DTNB: variants seen among roughly 807,000 people sequenced by gnomAD.
DTNB encodes dystrobrevin beta.
A neutral mutation model predicts 90.7 loss-of-function variants in DTNB; 63 were observed. That is an observed-to-expected ratio of 0.69 (90% CI 0.57 to 0.86). DTNB has a LOEUF of 0.86. Among genes scored for constraint, DTNB ranks in the 40% least tolerant of loss-of-function variants. The probability of loss-of-function intolerance (pLI) is 0.00; values close to 1 mark genes in which losing one functional copy is unlikely to be tolerated. For synonymous variants in DTNB, 277 were observed against 286.7 expected (o/e 0.97, Z 0.34); for missense variants, 744 against 807.1 (o/e 0.92, Z 0.95).
chr2:25,540,266 C>G (rs865881528), intron 8 of DTNB, among the ~76,000 whole-genome samples: 9 of 152,318 alleles, frequency 5.9e-5, no homozygotes, highest in Admixed American at 3.3e-4. Context: ...ACTGACCATT[C>G]CTTTCCATAA....
intron 12 of DTNB, among the ~76,000 whole-genome samples, chr2:25,444,831 A>G (rs1200816041): frequency 2.0e-5 from 3 of 152,226 alleles, no homozygotes; most frequent in Non-Finnish European, 4.4e-5. Context: ...TATGCAAAGC[A>G]CTTGTATCAA....
chr2:25,469,212 A>C (rs926206245), intron 10 of DTNB, among the ~76,000 whole-genome samples: 4 of 152,222 alleles, frequency 2.6e-5, no homozygotes, highest in Admixed American at 6.5e-5. Context: ...TCAGAAAGTG[A>C]CATCAAAGTT....
At chr2:25,540,257 C>G (rs2151008972) in intron 8 of DTNB, among the ~76,000 whole-genome samples, 1 of 152,236 alleles carries the variant, frequency 6.6e-6, no homozygotes, top group East Asian at 1.9e-4. Context: ...TCTTTGCATA[C>G]TGACCATTCC....
chr2:25,613,447 T>A (rs1458626535), intron 4 of DTNB, among the ~76,000 whole-genome samples: 1 of 152,166 alleles, frequency 6.6e-6, no homozygotes, highest in Non-Finnish European at 1.5e-5. Context: ...CATGTTTATG[T>A]CCATGAGTAC....
chr2:25,595,081 A>G (rs1475138118), intron 6 of DTNB: 23 of 152,216 alleles, frequency 1.5e-4, no homozygotes, highest in Non-Finnish European at 1.0e-4. Context: ...TAGGTTGTAG[A>G]AATTCCTTCA....
At chr2:25,527,217 T>C (rs954165249) in intron 9 of DTNB, among the ~76,000 whole-genome samples, 4 of 152,060 alleles carry the variant, frequency 2.6e-5, no homozygotes, top group African/African-American at 9.7e-5. Flanking sequence ...AAGCTAACCA[T>C]GCCTTTAAAG....
chr2:25,457,990 TGCTCA>T (rs745364351), intron 10 of DTNB, among the ~76,000 whole-genome samples: 72 of 152,048 alleles, frequency 4.7e-4, no homozygotes, highest in Admixed American at 8.5e-4. Flanking sequence ...CACGCCACCA[TGCTCA>T]GCTAATTTTT....
intron 8 of DTNB, among the ~76,000 whole-genome samples, chr2:25,570,471 T>G (rs961284195): frequency 2.0e-5 from 3 of 151,762 alleles, no homozygotes; most frequent in African/African-American, 7.3e-5. Flanking sequence ...ATTCATTTAT[T>G]CATTAGGAGA....
intron 8 of DTNB, among the ~76,000 whole-genome samples, chr2:25,553,173 A>C (rs1422912633): frequency 2.0e-5 from 3 of 151,564 alleles, no homozygotes; most frequent in Non-Finnish European, 4.4e-5. Context: ...GGCTGGTCTC[A>C]AACTTCTGGG....
intron 14 of DTNB, among the ~76,000 whole-genome samples, chr2:25,432,243 A>ACC (rs1553374032): frequency 4.3e-5 from 6 of 139,788 alleles, no homozygotes; most frequent in South Asian, 2.3e-4. Flanking sequence ...ACACACACAC[A>ACC]CCCCTTTCTA....
At chr2:25,659,748 T>C (rs1402416644) in intron 1 of DTNB, among the ~76,000 whole-genome samples, 5 of 152,060 alleles carry the variant, frequency 3.3e-5, no homozygotes, top group Non-Finnish European at 5.9e-5. Context: ...AGAGATTGAA[T>C]TTGTAGTTTA....
chr2:25,476,403 T>C (rs2063761415), intron 10 of DTNB, among the ~76,000 whole-genome samples: 1 of 152,164 alleles, frequency 6.6e-6, no homozygotes, highest in Non-Finnish European at 1.5e-5. Flanking sequence ...ATGTAAGAAA[T>C]ACATTTTGTA....
chr2:25,515,131 A>G (rs766702887), intron 9 of DTNB, among the ~76,000 whole-genome samples: 11 of 152,196 alleles, frequency 7.2e-5, no homozygotes, highest in Non-Finnish European at 1.2e-4. Context: ...ACAGGACTCA[A>G]TGCAAACACA....
chr2:25,592,442 AG>A (rs959474601), intron 6 of DTNB, among the ~76,000 whole-genome samples: 2 of 152,214 alleles, frequency 1.3e-5, no homozygotes, highest in Non-Finnish European at 2.9e-5. Context: ...ATTCGAAGTC[AG>A]TATTTAATTT....
At chr2:25,441,745 G>GTT (rs1256021084) in intron 12 of DTNB, among the ~76,000 whole-genome samples, 1 of 152,134 alleles carries the variant, frequency 6.6e-6, no homozygotes, top group Non-Finnish European at 1.5e-5. Context: ...TTCCAAATCT[G>GTT]TATCAAATTC....
At chr2:25,494,141 A>G (rs976126880) in intron 9 of DTNB, among the ~76,000 whole-genome samples, 2 of 152,218 alleles carry the variant, frequency 1.3e-5, no homozygotes, top group East Asian at 3.8e-4. Context: ...GCACTGAGCC[A>G]GGCCCCTCAG....
chr2:25,410,131 T>G (rs2046230154), intron 16 of DTNB, among the ~76,000 whole-genome samples: 1 of 152,210 alleles, frequency 6.6e-6, no homozygotes, highest in African/African-American at 2.4e-5. Flanking sequence ...GGAGGCAGTG[T>G]GTCCTAGGAA....
chr2:25,638,954 G>T lies in DTNB; in HGVS notation c.148+60C>A, dbSNP rs1028617885. 1.8e-5 allele frequency: 26 copies of T among 1,414,450 alleles called. No homozygotes were observed. In the Admixed American group the frequency reaches 1.9e-4, roughly 10 times the overall value. The allele number at this position is 1,414,450 out of a possible 1,614,324, so 87.6% of individuals were successfully genotyped here. A position where few individuals can be genotyped will look rare whatever the true frequency, so the allele number is the denominator to read the frequency against. On this transcript the variant is annotated intron_variant, in intron 3 of 20. Coordinates refer to ENST00000406818, the MANE Select transcript of DTNB (RefSeq NM_021907.5). ...TACAATACAACTAAAAGATGTTAAA[G>T]TCTTTTCTAATATTGAGAACTCTAT...
At chr2:25,513,377 G>A (rs1255091109) in intron 9 of DTNB, among the ~76,000 whole-genome samples, 1 of 152,138 alleles carries the variant, frequency 6.6e-6, no homozygotes, top group Non-Finnish European at 1.5e-5. Flanking sequence ...ATGAACTAGA[G>A]AACCATTGCT....
Sources: gnomAD v4.1 joint callset for allele counts (sites outside exome capture counted in the v4.1 genomes callset) on GRCh38, gnomAD v4.1.1 for gene constraint, MANE v1.5 for transcripts, NCBI Gene and HGNC (gene_info 2026-07-23, HGNC 2026-07-21) for gene names.